FAM117A: variants seen among roughly 807,000 people sequenced by gnomAD.
FAM117A encodes family with sequence similarity 117 member A.
A neutral mutation model predicts 44.1 loss-of-function variants in FAM117A; 21 were observed. The observed-to-expected ratio is 0.48, with a 90% CI of 0.34 to 0.69. The LOEUF (loss-of-function observed/expected upper bound fraction) is 0.69, where lower values mean the gene tolerates loss of function less well. FAM117A is among the 30% of genes least tolerant of loss of function. The pLI is 0.01. For synonymous variants in FAM117A, 220 were observed against 238.3 expected (o/e 0.92, Z 0.71); for missense variants, 498 against 589.9 (o/e 0.84, Z 1.61).
chr17:49,748,831 A>G (rs992254094), intron 1 of FAM117A, among the ~76,000 whole-genome samples: 2 of 152,200 alleles, frequency 1.3e-5, no homozygotes, highest in African/African-American at 4.8e-5. Flanking sequence ...AAAAATGACA[A>G]GAATAATTCA....
In FAM117A at chr17:49,742,259, T is replaced by C. The variant is rs545933233; in HGVS notation, c.197-9539A>G. ...CACTGAAAGCATTTCTGGCTGTGTG[T>C]CCGACTTCCCAAGATGCAGACCATA... On this transcript the variant is annotated intron_variant, in intron 1 of 7. Transcript: ENST00000240364. Among the ~76,000 whole-genome samples the C allele has an allele frequency of 1.2e-3, 190 of 152,292 alleles. 1 individual carries two copies. Among genetic ancestry groups the C allele is most frequent in the Non-Finnish European group, 1.9e-3 (126 of 68,010 alleles).
intron 1 of FAM117A, among the ~76,000 whole-genome samples, chr17:49,743,678 G>A (rs1219626437): frequency 6.6e-6 from 1 of 151,946 alleles, no homozygotes; most frequent in Non-Finnish European, 1.5e-5. Flanking sequence ...GCAGTGAGCC[G>A]AGATCGTGCC....
intron 1 of FAM117A, among the ~76,000 whole-genome samples, chr17:49,744,483 C>G (rs752118741): frequency 6.6e-6 from 1 of 151,098 alleles, no homozygotes; most frequent in Non-Finnish European, 1.5e-5. Flanking sequence ...CTTTGCCTAG[C>G]TAATTTCTAA....
chr17:49,717,018 T>G (rs548593249), intron 6 of FAM117A, among the ~76,000 whole-genome samples: 26 of 152,246 alleles, frequency 1.7e-4, no homozygotes, highest in African/African-American at 6.3e-4. Context: ...GAATTTCATC[T>G]CATTTTCTCA....
intron 1 of FAM117A, among the ~76,000 whole-genome samples, chr17:49,738,142 G>A (rs1347719273): frequency 6.6e-6 from 1 of 152,070 alleles, no homozygotes; most frequent in African/African-American, 2.4e-5. Flanking sequence ...ATTTTATATT[G>A]GTTTCCATCA....
chr17:49,768,281 C>T (rs964036481), upstream of FAM117A, among the ~76,000 whole-genome samples: 2 of 152,276 alleles, frequency 1.3e-5, no homozygotes, highest in South Asian at 4.1e-4. Flanking sequence ...AAGGACCTCG[C>T]TGGGCCTACA....
At chr17:49,785,788 T>C (rs1567840999) in intron 1 of FAM117A, among the ~76,000 whole-genome samples, 1 of 152,166 alleles carries the variant, frequency 6.6e-6, no homozygotes, top group African/African-American at 2.4e-5. Context: ...AAAGAATGAA[T>C]TGGAAAAGAT....
intron 1 of FAM117A, among the ~76,000 whole-genome samples, chr17:49,760,224 G>A (rs2073717373): frequency 6.6e-6 from 1 of 152,276 alleles, no homozygotes; most frequent in East Asian, 1.9e-4. Context: ...AATAGAGTGG[G>A]ACTACAGGCT....
intron 1 of FAM117A, among the ~76,000 whole-genome samples, chr17:49,788,318 C>T (rs2073832198): frequency 6.6e-6 from 1 of 152,100 alleles, no homozygotes; most frequent in South Asian, 2.1e-4. Context: ...AACAATCAGG[C>T]TACGAAGGGG....
intron 1 of FAM117A, among the ~76,000 whole-genome samples, chr17:49,780,904 C>A (rs1301119348): frequency 2.0e-5 from 3 of 152,086 alleles, no homozygotes; most frequent in Non-Finnish European, 2.9e-5. Flanking sequence ...AATCTCGGCT[C>A]GCTGCAACCT....
chr17:49,763,968 C>T lies in FAM117A; in HGVS notation c.120G>A (p.Gly40=). 1 of 1,230,818 alleles carries T rather than the reference C, an allele frequency of 8.1e-7. No individual in the cohort carries two copies. Among genetic ancestry groups the T allele is most frequent in the Non-Finnish European group, 1.0e-6 (1 of 987,492 alleles). The allele number at this position is 1,230,818 out of a possible 1,614,324, so 76.2% of individuals were successfully genotyped here. Residue 40 remains glycine (G), a synonymous_variant, in exon 1 of 8, where the codon GGG becomes GGA. Coordinates refer to ENST00000240364, the MANE Select transcript of FAM117A (RefSeq NM_030802.4). ...PPAPAGSPRA[G]LQPLRATIPF... ...GGATCGTGGCCCTGAGCGGCTGCAG[C>T]CCAGCCCGGGGGGAGCCGGCGGGGG...
At chr17:49,735,714 C>T (rs530944988) in intron 1 of FAM117A, among the ~76,000 whole-genome samples, 1 of 152,234 alleles carries the variant, frequency 6.6e-6, no homozygotes, top group African/African-American at 2.4e-5. Flanking sequence ...ATCTTCCTGC[C>T]TTGGCCTCCC....
At chr17:49,770,269 CAAA>C (rs57966452) in intron 1 of FAM117A, among the ~76,000 whole-genome samples, 3 of 69,804 alleles carry the variant, frequency 4.3e-5, no homozygotes, top group Admixed American at 3.4e-4. Flanking sequence ...GACTCTGTAT[CAAA>C]AAAAAAAAAA....
chr17:49,774,594 G>A (rs1238916356), intron 1 of FAM117A, among the ~76,000 whole-genome samples: 4 of 151,996 alleles, frequency 2.6e-5, no homozygotes, highest in Admixed American at 2.0e-4. Flanking sequence ...TCCTGACCTC[G>A]TGATCTGCCC....
At chr17:49,788,935 TG>T, upstream of FAM117A, 1 of 1,301,170 alleles carries the variant, frequency 7.7e-7, no homozygotes, top group Non-Finnish European at 1.0e-6. Context: ...TCACAGTGCT[TG>T]GGTCCCAACT....
intron 1 of FAM117A, among the ~76,000 whole-genome samples, chr17:49,754,648 GAGA>G (rs1367619913): frequency 2.6e-5 from 4 of 152,178 alleles, no homozygotes; most frequent in Middle Eastern, 3.4e-3. Context: ...GGGTAGAGAG[GAGA>G]AGAAGGGGAG....
upstream of FAM117A, among the ~76,000 whole-genome samples, chr17:49,768,110 C>G (rs2073750586): frequency 6.6e-6 from 1 of 152,002 alleles, no homozygotes; most frequent in Non-Finnish European, 1.5e-5. Flanking sequence ...GAGATATAGC[C>G]ATTCCCCAAG....
In FAM117A at chr17:49,711,280, A is replaced by C. The variant is rs746973263; in HGVS notation, c.1337T>G (p.Leu446Arg). Residue 446 changes from leucine to arginine, a missense_variant, in exon 8 of 8, where the codon CTT becomes CGT. By Grantham distance (102) the Leu-to-Arg change is moderately radical. Transcript: ENST00000240364. Reference protein sequence around the residue: ...QRTPPSEEPVLFQSSLMV With the variant: ...QRTPPSEEPVRFQSSLMV The stretch of plus-strand genomic sequence containing the variant: ...TCAGACCATCAGGGAGCTCTGGAAA[A>C]GCACAGGCTCTTCTGATGGTGGGGT... The C allele has an allele frequency of 1.2e-6, 2 of 1,607,140 alleles. No individual in the cohort carries two copies. Among genetic ancestry groups the C allele is most frequent in the African/African-American group, 2.7e-5 (2 of 74,746 alleles).
chr17:49,742,908 C>G (rs2073640427), intron 1 of FAM117A, among the ~76,000 whole-genome samples: 1 of 152,184 alleles, frequency 6.6e-6, no homozygotes, highest in African/African-American at 2.4e-5. Flanking sequence ...ATGATTGAAA[C>G]TGTACTCTGA....
Sources: gnomAD v4.1 joint callset for allele counts (sites outside exome capture counted in the v4.1 genomes callset) on GRCh38, gnomAD v4.1.1 for gene constraint, MANE v1.5 for transcripts, NCBI Gene and HGNC (gene_info 2026-07-23, HGNC 2026-07-21) for gene names.